AKAP6: variants seen among roughly 807,000 people sequenced by gnomAD.
AKAP6 encodes the protein A-kinase anchoring protein 6.
In AKAP6, 58 loss-of-function variants were observed where a neutral mutation model predicts 188.5. The observed-to-expected ratio is 0.31, with a 90% CI of 0.25 to 0.38. AKAP6 has a LOEUF of 0.38. Ranked by LOEUF, AKAP6 falls within the 10% of genes least tolerant of loss-of-function variation. The pLI, the probability that AKAP6 is intolerant of heterozygous loss-of-function variation, is 1.00. For missense variants in AKAP6, 2,710 were observed against 2,740.0 expected (o/e 0.99, Z 0.24); for synonymous variants, 989 against 998.6 (o/e 0.99, Z 0.18).
Position 32,824,763 on chromosome 14 carries a change from T to C in AKAP6, c.6950T>C (p.Met2317Thr). Residue 2317 changes from methionine to threonine, a missense_variant, in exon 13 of 14, where the codon ATG (methionine) becomes ACG (threonine). Met to Thr is a moderately conservative substitution (Grantham distance 81). Transcript: ENST00000280979. The part of the protein sequence containing the change: ...LNLHEKRHRN[M>T]HR ...CTTCATGAAAAACGACATAGAAATA[T>C]GCATAGGTAGAATGTACCCCCTCCC... 3.1e-6 allele frequency: 5 copies of C among 1,611,610 alleles called. No homozygotes were observed. The highest frequency in any genetic ancestry group is 4.2e-6 in the Non-Finnish European group (5 of 1,178,946).
intron 3 of AKAP6, among the ~76,000 whole-genome samples, chr14:32,537,700 TAA>T (rs763214303): frequency 1.4e-4 from 22 of 152,202 alleles, no homozygotes; most frequent in Non-Finnish European, 2.4e-4. Flanking sequence ...ATTAAATCAA[TAA>T]ACATTTATTG....
chr14:32,671,099 G>A (rs962542890), intron 7 of AKAP6, among the ~76,000 whole-genome samples: 1 of 152,202 alleles, frequency 6.6e-6, no homozygotes, highest in Admixed American at 6.5e-5. Flanking sequence ...TAAGTATGTA[G>A]GAAAGAGGAT....
chr14:32,551,177 A>G lies in AKAP6; in HGVS notation c.2346+4178A>G, dbSNP rs575367687. 5.9e-5 allele frequency among the ~76,000 whole-genome samples: 9 copies of G among 152,224 alleles called. No homozygotes were observed. In the East Asian group the frequency reaches 1.7e-3, roughly 29 times the overall value. On this transcript the variant is annotated intron_variant, in intron 4 of 13. Coordinates refer to ENST00000280979, the MANE Select transcript of AKAP6 (RefSeq NM_004274.5). ...ATCATTGTCAGCTGCTTTTGTCTAC[A>G]TCCTCTCCAGCAGATGCCCTCATTT...
At chr14:32,516,485 G>T (rs182667305) in intron 2 of AKAP6, among the ~76,000 whole-genome samples, 182 of 152,248 alleles carry the variant, frequency 1.2e-3, no homozygotes, top group African/African-American at 4.1e-3. Context: ...CTGAAAAAAG[G>T]CACCTTGATC....
intron 4 of AKAP6, among the ~76,000 whole-genome samples, chr14:32,548,862 T>C (rs1566569984): frequency 6.6e-6 from 1 of 152,220 alleles, no homozygotes; most frequent in Admixed American, 6.5e-5. Context: ...ATAGAGAATA[T>C]TGATGTAACT....
At chr14:32,497,464 C>T (rs1217009627) in intron 2 of AKAP6, among the ~76,000 whole-genome samples, 1 of 152,046 alleles carries the variant, frequency 6.6e-6, no homozygotes, top group African/African-American at 2.4e-5. Context: ...AGAGAACATA[C>T]TTTTTATAAG....
At chr14:32,701,477 A>C (rs1890617983) in intron 9 of AKAP6, among the ~76,000 whole-genome samples, 1 of 152,132 alleles carries the variant, frequency 6.6e-6, no homozygotes, top group Non-Finnish European at 1.5e-5. Context: ...ATTTTCTTTT[A>C]GGATTTTTTT....
chr14:32,593,342 C>T (rs2139326895), intron 5 of AKAP6, among the ~76,000 whole-genome samples: 1 of 152,248 alleles, frequency 6.6e-6, no homozygotes, highest in South Asian at 2.1e-4. Flanking sequence ...TCTCACAGTG[C>T]TTCTGATTTC....
intron 1 of AKAP6, among the ~76,000 whole-genome samples, chr14:32,362,792 T>A (rs1594541796): frequency 6.6e-6 from 1 of 152,140 alleles, no homozygotes; most frequent in African/African-American, 2.4e-5. Flanking sequence ...ATCAGATCTA[T>A]TTTTAGAAAA....
intron 2 of AKAP6, among the ~76,000 whole-genome samples, chr14:32,489,173 T>C (rs1433276943): frequency 1.3e-5 from 2 of 152,236 alleles, no homozygotes; most frequent in Non-Finnish European, 2.9e-5. Flanking sequence ...GGTCTTCCTT[T>C]ATTCCCAACA....
At chr14:32,759,098 G>A (rs1226551657) in intron 11 of AKAP6, among the ~76,000 whole-genome samples, 2 of 151,812 alleles carry the variant, frequency 1.3e-5, no homozygotes, top group Middle Eastern at 3.2e-3. Flanking sequence ...TCCCATCTGG[G>A]AAAAAAAATG....
chr14:32,518,973 C>G (rs1881668689), intron 2 of AKAP6, among the ~76,000 whole-genome samples: 2 of 152,228 alleles, frequency 1.3e-5, no homozygotes, highest in South Asian at 4.1e-4. Flanking sequence ...CAAAGGGAAG[C>G]CCATCAGACT....
chr14:32,736,326 G>A (rs1186184607), intron 11 of AKAP6, among the ~76,000 whole-genome samples: 2 of 152,078 alleles, frequency 1.3e-5, no homozygotes, highest in African/African-American at 4.8e-5. Context: ...ATATGAAAGA[G>A]TCAACTATTT....
intron 1 of AKAP6, among the ~76,000 whole-genome samples, chr14:32,332,009 G>T (rs1030362870): frequency 6.6e-6 from 1 of 152,114 alleles, no homozygotes; most frequent in Non-Finnish European, 1.5e-5. Flanking sequence ...AGTTCTTACT[G>T]TGTATCAGTA....
At chr14:32,445,230 G>A (rs770812554) in intron 2 of AKAP6, among the ~76,000 whole-genome samples, 4 of 152,064 alleles carry the variant, frequency 2.6e-5, no homozygotes, top group Non-Finnish European at 5.9e-5. Flanking sequence ...TTTCTTCTCT[G>A]TCTGGGAAAT....
intron 11 of AKAP6, among the ~76,000 whole-genome samples, chr14:32,758,878 G>A (rs982621): frequency 0.016 from 2,461 of 152,244 alleles, 78 homozygotes; most frequent in African/African-American, 0.056. Context: ...CTCTGGCATT[G>A]GAACTCAGAG....
At chr14:32,366,496 G>T (rs1399572417) in intron 1 of AKAP6, among the ~76,000 whole-genome samples, 3 of 152,118 alleles carry the variant, frequency 2.0e-5, no homozygotes, top group African/African-American at 7.2e-5. Context: ...TGTGATCCTT[G>T]GCAGATACTC....
chr14:32,735,904 T>G, intron 11 of AKAP6, 22 bp downstream of exon 11: 1 of 1,546,804 alleles, frequency 6.5e-7, no homozygotes, highest in Non-Finnish European at 8.7e-7. Context: ...ACAATCAAAG[T>G]TGATAAAAAG....
At chr14:32,655,304 C>T (rs1438999233) in intron 7 of AKAP6, among the ~76,000 whole-genome samples, 1 of 152,162 alleles carries the variant, frequency 6.6e-6, no homozygotes, top group Non-Finnish European at 1.5e-5. Flanking sequence ...GATGTGATTT[C>T]TCCACTAGAG....
Sources: allele counts gnomAD v4.1 joint callset (sites outside exome capture counted in the v4.1 genomes callset), GRCh38; gene constraint gnomAD v4.1.1; transcripts MANE v1.5; gene names NCBI Gene and HGNC (gene_info 2026-07-23, HGNC 2026-07-21).